Variants in ONECUT1 observed in about 807,000 individuals in gnomAD.
ONECUT1 encodes the protein one cut homeobox 1.
Under a neutral mutation model 25.6 loss-of-function variants are expected in ONECUT1, and 12 were observed. The ratio of observed to expected loss-of-function variants is 0.47; its 90% CI spans 0.30 to 0.76. The LOEUF (loss-of-function observed/expected upper bound fraction) is 0.76, where lower values mean the gene tolerates loss of function less well. Among genes scored for constraint, ONECUT1 ranks in the 30% least tolerant of loss-of-function variants. ONECUT1 has a pLI of 0.07. For missense variants in ONECUT1, 620 were observed against 651.2 expected (o/e 0.95, Z 0.52); for synonymous variants, 285 against 270.2 (o/e 1.05, Z -0.54).
Position 52,789,080 on chromosome 15 carries a change from G to C in ONECUT1, c.805C>G (p.Arg269Gly), listed in dbSNP as rs139802359. 1,438 of 1,602,060 alleles carry C rather than the reference G, an allele frequency of 9.0e-4. 2 individuals are homozygous for C. Among genetic ancestry groups the C allele is most frequent in the Non-Finnish European group, 1.1e-3 (1,285 of 1,179,960 alleles). ...CCGGTCACCGAAGGGTTGGGCTCCC[G>C]GGCTGTGCCCAGGAGTTGCCCGTGG... ...QGHGQLLGTA[R>G]EPNPSVTGAQ... is the part of the protein sequence containing the mutation. Residue 269 changes from arginine to glycine, a missense_variant, in exon 1 of 2, where the codon CGG (arginine) becomes GGG (glycine). By Grantham distance (125) the Arg-to-Gly change is moderately radical. Around this residue, in one of 4 missense-constraint regions of ONECUT1, gnomAD observed 440 missense variants for 404.9 expected, o/e 1.09. Coordinates refer to ENST00000305901, the MANE Select transcript of ONECUT1 (RefSeq NM_004498.4). The surrounding 1 kb of genome is among the most constrained non-coding windows in gnomAD (Gnocchi z 4.1).
chr15:52,788,889 G>T lies in ONECUT1; in HGVS notation c.996C>A (p.Arg332=). The T allele has an allele frequency of 6.2e-7, 1 of 1,614,186 alleles. No homozygotes were observed. The highest frequency in any genetic ancestry group is 8.5e-7 in the Non-Finnish European group (1 of 1,180,036). The change falls in exon 1 of 2, where the codon CGC becomes CGA. Residue 332 remains arginine, a synonymous_variant. Coordinates refer to ENST00000305901, the MANE Select transcript of ONECUT1 (RefSeq NM_004498.4). This position sits in a 1 kb window ranked among gnomAD's most constrained non-coding sequence, Gnocchi z 4.3. The stretch of plus-strand genomic sequence containing the variant: ...TGAGTTTGCTCCAGGGTTTGGGGTT[G>T]CGCAGCAGGTCCGAGAGGGTCCCCT... ...RSQGTLSDLL[R]NPKPWSKLKS...
At position 52,784,723 on chromosome 15, in the gene ONECUT1, G is replaced by A. The variant is rs1173359703; in HGVS notation, c.1105+4057C>T. On this transcript the variant is annotated intron_variant, in intron 1 of 1. Coordinates refer to ENST00000305901, the MANE Select transcript of ONECUT1 (RefSeq NM_004498.4). The surrounding 1 kb of genome is among the most constrained non-coding windows in gnomAD (Gnocchi z 5.0). ...CCTTCTGGTGACTGTCCGCAGGAGCGAGACCTTTTTTGGTTTTGCAGTCGG... is the reference window on the plus strand; with the variant it reads ...CCTTCTGGTGACTGTCCGCAGGAGCAAGACCTTTTTTGGTTTTGCAGTCGG... 6.6e-6 allele frequency among the ~76,000 whole-genome samples: 1 copy of A among 152,240 alleles called. No homozygotes were observed. The highest frequency in any genetic ancestry group is 1.9e-4 in the East Asian group (1 of 5,202).
intron 1 of ONECUT1, among the ~76,000 whole-genome samples, chr15:52,776,832 C>T (rs1251751103): frequency 6.6e-6 from 1 of 152,138 alleles, no homozygotes; most frequent in Non-Finnish European, 1.5e-5. Flanking sequence ...AGTGTTTGGG[C>T]GAATGAAGGA....
rs1596060565 is a variant in ONECUT1 at position 52,789,854 on chromosome 15, C to T, written c.31G>A (p.Gly11Ser). The T allele has an allele frequency of 6.5e-7, 1 of 1,543,016 alleles. No homozygotes were observed. Among genetic ancestry groups the T allele is most frequent in the East Asian group, 2.7e-5 (1 of 37,704 alleles). The stretch of plus-strand genomic sequence containing the variant: ...TCATGGCTCACCCCGTGCAGCTCGC[C>T]GATCGCTTCCATGGTCAGCTGCGCG... MNAQLTMEAI[G>S]ELHGVSHEPV... Residue 11 changes from glycine to serine, a missense_variant, in exon 1 of 2, where the codon GGC (glycine) becomes AGC (serine). By Grantham distance (56) the Gly-to-Ser change is moderately conservative. This residue lies in a region of ONECUT1 where 440 missense variants were observed against 404.9 expected (regional missense o/e 1.09). Transcript: ENST00000305901. This position sits in a 1 kb window ranked among gnomAD's most constrained non-coding sequence, Gnocchi z 4.1.
intron 1 of ONECUT1, among the ~76,000 whole-genome samples, chr15:52,774,182 G>A (rs1465389095): frequency 2.0e-5 from 3 of 149,948 alleles, no homozygotes. Context: ...TATCTGTGTG[G>A]GGTGCTGTGG....
rs1196812392 is a variant in ONECUT1, at chr15:52,756,054, T to C, written c.*1501A>G. Among the ~76,000 whole-genome samples the C allele has an allele frequency of 1.3e-5, 2 of 152,190 alleles. No homozygotes were observed. Among genetic ancestry groups the C allele is most frequent in the Non-Finnish European group, 2.9e-5 (2 of 68,036 alleles). On this transcript the variant is annotated 3_prime_UTR_variant, in exon 2 of 2. Transcript: ENST00000305901. ...TGCAGTAGCAAGAAAGAAGGCAGAATGCTTTGGAGGCTATTCTTAGTTCCA... is the reference window on the plus strand; with the variant it reads ...TGCAGTAGCAAGAAAGAAGGCAGAACGCTTTGGAGGCTATTCTTAGTTCCA...
rs1489399515 is a variant in ONECUT1, at chr15:52,784,860, C to G, written c.1105+3920G>C. On this transcript the variant is annotated intron_variant, in intron 1 of 1. Coordinates refer to ENST00000305901, the MANE Select transcript of ONECUT1 (RefSeq NM_004498.4). This position sits in a 1 kb window ranked among gnomAD's most constrained non-coding sequence, Gnocchi z 5.0. Reference sequence around the variant, plus strand: ...TCCGTAGGAGGCCATCCTAGGCCTTCGGAGGAGGCGCTCCCAGCTGGCGGC... The same window carrying G: ...TCCGTAGGAGGCCATCCTAGGCCTTGGGAGGAGGCGCTCCCAGCTGGCGGC... Among the ~76,000 whole-genome samples, 1 of 152,238 alleles carries G rather than the reference C, an allele frequency of 6.6e-6. No homozygotes were observed. Among genetic ancestry groups the G allele is most frequent in the African/African-American group, 2.4e-5 (1 of 41,474 alleles).
chr15:52,789,587 G>A lies in ONECUT1; in HGVS notation c.298C>T (p.Pro100Ser), dbSNP rs779127054. The A allele has an allele frequency of 1.9e-6, 3 of 1,578,100 alleles. No individual in the cohort carries two copies. The highest frequency in any genetic ancestry group is 1.3e-5 in the African/African-American group (1 of 74,322). ...ACETPPGMSM[P>S]TTYTTLTPLQ... is the part of the protein sequence containing the mutation. ...GGGGTCAAGGTGGTGTAGGTGGTGG[G>A]CATGCTCATACCTGGGGGAGTCTCG... The change falls in exon 1 of 2, where the codon CCC (proline) becomes TCC (serine). Residue 100 changes from proline (P) to serine (S), a missense_variant. Physicochemically the swap from Pro to Ser is moderately conservative, Grantham distance 74. Transcript: ENST00000305901. The surrounding 1 kb of genome is among the most constrained non-coding windows in gnomAD (Gnocchi z 4.1).
chr15:52,779,031 C>T (rs933697640), intron 1 of ONECUT1, among the ~76,000 whole-genome samples: 6 of 147,928 alleles, frequency 4.1e-5, no homozygotes, highest in South Asian at 2.1e-4. Flanking sequence ...TGGTGTAATA[C>T]GATCCATTAC....
chr15:52,779,798 T>C (rs2083828510), intron 1 of ONECUT1, among the ~76,000 whole-genome samples: 1 of 152,208 alleles, frequency 6.6e-6, no homozygotes, highest in Non-Finnish European at 1.5e-5. Context: ...CTAATCCACA[T>C]GCGAATGTGG....
chr15:52,766,717 G>A (rs577566243), intron 1 of ONECUT1, among the ~76,000 whole-genome samples: 376 of 152,342 alleles, frequency 2.5e-3, no homozygotes, highest in Middle Eastern at 6.8e-3. Flanking sequence ...GAAGCTGAAG[G>A]AAGCAGCTCA....
chr15:52,780,836 G>C (rs1388216479), intron 1 of ONECUT1: 35 of 1,330,492 alleles, frequency 2.6e-5, no homozygotes, highest in Non-Finnish European at 3.4e-5. Flanking sequence ...ATCATCACCA[G>C]ATGTGAAAAC....
chr15:52,782,119 G>A (rs957588792), intron 1 of ONECUT1, among the ~76,000 whole-genome samples: 24 of 152,198 alleles, frequency 1.6e-4, no homozygotes, highest in Non-Finnish European at 2.9e-4. Context: ...ATGTGCCGTG[G>A]TGGTTTGCTG....
At position 52,789,888 on chromosome 15, in the gene ONECUT1, G is replaced by C; in HGVS notation, c.-4C>G. 6.5e-7 allele frequency: 1 copy of C among 1,530,008 alleles called. No individual in the cohort carries two copies. Among genetic ancestry groups the C allele is most frequent in the Non-Finnish European group, 8.7e-7 (1 of 1,149,096 alleles). 94.8% of individuals were successfully genotyped at this position (1,530,008 alleles called of 1,614,324 possible). Reference sequence around the variant, plus strand: ...CCATGGTCAGCTGCGCGTTCATCGTGATCCGGGCGAGCAGGCGGCGGACAC... The same window carrying C: ...CCATGGTCAGCTGCGCGTTCATCGTCATCCGGGCGAGCAGGCGGCGGACAC... On this transcript the variant is annotated 5_prime_UTR_variant, in exon 1 of 2. The change creates a new upstream start codon in the 5' untranslated region. Transcript: ENST00000305901. This position sits in a 1 kb window ranked among gnomAD's most constrained non-coding sequence, Gnocchi z 4.1.
At chr15:52,770,429 G>T (rs1048408007) in intron 1 of ONECUT1, among the ~76,000 whole-genome samples, 53 of 152,270 alleles carry the variant, frequency 3.5e-4, no homozygotes, top group African/African-American at 1.2e-3. Flanking sequence ...ATTCTGATTC[G>T]GCAAGCCAGG....
In ONECUT1 at chr15:52,755,466, G is replaced by A. The variant is rs1429879426; in HGVS notation, c.*2089C>T. On this transcript the variant is annotated 3_prime_UTR_variant, in exon 2 of 2. Transcript: ENST00000305901. ...AAAACAAAAAACAAAACATGTCAAG[G>A]CAAATGAAGTATTTCATCAAAAGAG... 6.6e-6 allele frequency among the ~76,000 whole-genome samples: 1 copy of A among 152,106 alleles called. No individual in the cohort carries two copies. Among genetic ancestry groups the A allele is most frequent in the Non-Finnish European group, 1.5e-5 (1 of 68,006 alleles).
chr15:52,772,709 C>T (rs914323906), intron 1 of ONECUT1, among the ~76,000 whole-genome samples: 4 of 152,110 alleles, frequency 2.6e-5, no homozygotes, highest in East Asian at 1.9e-4. Context: ...TATTATCCAC[C>T]GGGCTGGCTC....
intron 1 of ONECUT1, among the ~76,000 whole-genome samples, chr15:52,779,363 C>T (rs1371080528): frequency 1.3e-5 from 2 of 152,100 alleles, no homozygotes; most frequent in African/African-American, 4.8e-5. Context: ...GCTGGGACTA[C>T]AGGCGTGAGC....
In ONECUT1 at chr15:52,789,600, T is replaced by TG; in HGVS notation, c.284dup (p.Gly96ArgfsTer53). The TG allele has an allele frequency of 6.4e-7, 1 of 1,567,630 alleles. No individual in the cohort carries two copies. The highest frequency in any genetic ancestry group is 8.7e-7 in the Non-Finnish European group (1 of 1,154,468). On this transcript the variant is annotated frameshift_variant, in exon 1 of 2. Coordinates refer to ENST00000305901, the MANE Select transcript of ONECUT1 (RefSeq NM_004498.4). LOFTEE classifies it high-confidence loss of function. The surrounding 1 kb of genome is among the most constrained non-coding windows in gnomAD (Gnocchi z 4.1). ...TGTAGGTGGTGGGCATGCTCATACCTGGGGGAGTCTCGCAGGCCATGGTCA... is the reference window on the plus strand; with the variant it reads ...TGTAGGTGGTGGGCATGCTCATACCTGGGGGGAGTCTCGCAGGCCATGGTCA...
Sources: gnomAD v4.1 joint callset for allele counts (sites outside exome capture counted in the v4.1 genomes callset) on GRCh38, gnomAD v4.1.1 for gene constraint, gnomAD v4.1.1 regional missense constraint, Gnocchi (gnomAD v3.1) non-coding constraint, MANE v1.5 for transcripts, NCBI Gene and HGNC (gene_info 2026-07-23, HGNC 2026-07-21) for gene names.